The following RHOT1 variants were observed in gnomAD, a reference collection of about 807,000 sequenced individuals.
RHOT1 encodes mitochondrial Rho GTPase 1.
In RHOT1, 27 loss-of-function variants were observed where a neutral mutation model predicts 95.3. The ratio of observed to expected loss-of-function variants is 0.28; its 90% confidence interval spans 0.21 to 0.39. RHOT1 has a LOEUF of 0.39. RHOT1 is among the 10% of genes least tolerant of loss of function. The pLI is 1.00. For missense variants in RHOT1, 578 were observed against 786.7 expected (o/e 0.73, Z 3.17); for synonymous variants, 227 against 263.5 (o/e 0.86, Z 1.34).
chr17:32,188,235 C>G (rs2036204550), intron 8 of RHOT1, among the ~76,000 whole-genome samples: 1 of 152,184 alleles, frequency 6.6e-6, no homozygotes, highest in Non-Finnish European at 1.5e-5. Context: ...GATGGGAAAG[C>G]AGATAAATAT....
At chr17:32,223,063 T>C (rs1364875297) in intron 19 of RHOT1, among the ~76,000 whole-genome samples, 1 of 152,078 alleles carries the variant, frequency 6.6e-6, no homozygotes, top group Non-Finnish European at 1.5e-5. Flanking sequence ...TAAGAAATAA[T>C]TATGTGAGGA....
intron 19 of RHOT1, among the ~76,000 whole-genome samples, chr17:32,217,753 C>CAA (rs1165768131): frequency 9.8e-6 from 1 of 102,400 alleles, no homozygotes. Context: ...GACTCCATCT[C>CAA]AAAAAAAAAA....
chr17:32,155,245 C>T (rs1001991317), intron 1 of RHOT1, among the ~76,000 whole-genome samples: 17 of 151,796 alleles, frequency 1.1e-4, no homozygotes, highest in African/African-American at 3.6e-4. Flanking sequence ...CTGCAAGCTC[C>T]GCCTCCTGGG....
intron 1 of RHOT1, chr17:32,143,153 G>A (rs2030682292): frequency 2.0e-6 from 1 of 510,062 alleles, no homozygotes; most frequent in African/African-American, 1.9e-5. Context: ...CTGCCAGGCA[G>A]GTGCTGGAAT....
chr17:32,183,050 T>G lies in RHOT1; in HGVS notation c.439-121T>G, dbSNP rs538506462. 9.9e-6 allele frequency: 8 copies of G among 808,790 alleles called. No individual in the cohort carries two copies. The East Asian group carries it at 2.1e-4, about 21-fold the overall frequency. The allele number at this position is 808,790 out of a possible 1,614,324, so 50.1% of individuals were successfully genotyped here. A position where few individuals can be genotyped will look rare whatever the true frequency, so the allele number is the denominator to read the frequency against. On this transcript the variant is annotated intron_variant, in intron 7 of 19. Coordinates refer to ENST00000545287, the MANE Select transcript of RHOT1 (RefSeq NM_001033566.3). Reference sequence around the variant, plus strand: ...CTTTCTAGACATTCATGTTGTGATGTCCACAAAGATGCATTTTTCGTTTTT... The same window carrying G: ...CTTTCTAGACATTCATGTTGTGATGGCCACAAAGATGCATTTTTCGTTTTT...
At chr17:32,176,075 C>G in intron 5 of RHOT1, 60 bp downstream of exon 5, 8 of 1,576,140 alleles carry the variant, frequency 5.1e-6, no homozygotes, top group Non-Finnish European at 6.9e-6. Context: ...AAAGTTGATT[C>G]TCAGTTTAGA....
Position 32,192,549 on chromosome 17 carries a change from T to C in RHOT1, c.639+250T>C, listed in dbSNP as rs141547566. ...GTTAAGGATGACTTGGAGTCTGAACTCTGAATCATTTTGCTTTCTTGGTTT... is the reference window on the plus strand; with the variant it reads ...GTTAAGGATGACTTGGAGTCTGAACCCTGAATCATTTTGCTTTCTTGGTTT... On this transcript the variant is annotated intron_variant, in intron 9 of 19. Coordinates refer to ENST00000545287, the MANE Select transcript of RHOT1 (RefSeq NM_001033566.3). Among the ~76,000 whole-genome samples, 32 of 152,172 alleles carry C rather than the reference T, an allele frequency of 2.1e-4. No homozygotes were observed. The East Asian group carries it at 6.2e-3, about 29-fold the overall frequency.
intron 6 of RHOT1, chr17:32,178,814 G>A (rs962238059): frequency 2.6e-5 from 4 of 154,942 alleles, no homozygotes; most frequent in Admixed American, 6.6e-5. Context: ...CGTCTAGGAA[G>A]TGAGGAGCAT....
chr17:32,208,525 G>T, intron 18 of RHOT1: 1 of 544,234 alleles, frequency 1.8e-6, no homozygotes, highest in East Asian at 3.1e-5. Flanking sequence ...GTATATTTTT[G>T]AGCAGGCTGT....
At chr17:32,149,635 ATGTGTGTGTGTGTG>A (rs1300585666) in intron 1 of RHOT1, among the ~76,000 whole-genome samples, 4 of 59,074 alleles carry the variant, frequency 6.8e-5, no homozygotes, top group Admixed American at 2.2e-4. Flanking sequence ...ATATATATAT[ATGTGTGTGTGTGTG>A]TGTGTGTGTG....
At chr17:32,206,100 A>G (rs1029607797) in intron 16 of RHOT1, among the ~76,000 whole-genome samples, 1 of 151,308 alleles carries the variant, frequency 6.6e-6, no homozygotes, top group African/African-American at 2.4e-5. Context: ...TAATCTTTCT[A>G]GCCCGTCTCC....
At chr17:32,163,439 A>G (rs760709498) in intron 1 of RHOT1, among the ~76,000 whole-genome samples, 13 of 152,236 alleles carry the variant, frequency 8.5e-5, no homozygotes, top group Non-Finnish European at 4.4e-5. Context: ...TGTAAAAAGA[A>G]TGTTAACCAA....
intron 11 of RHOT1, among the ~76,000 whole-genome samples, chr17:32,195,557 C>A (rs999978805): frequency 6.6e-6 from 1 of 152,162 alleles, no homozygotes; most frequent in Non-Finnish European, 1.5e-5. Context: ...TGGTGACTTC[C>A]CAGGATCTGG....
intron 1 of RHOT1, among the ~76,000 whole-genome samples, chr17:32,147,952 C>T (rs1041273975): frequency 2.0e-5 from 3 of 152,050 alleles, no homozygotes; most frequent in Non-Finnish European, 2.9e-5. Context: ...ACTTCTGATG[C>T]GTGTAGGCTT....
chr17:32,202,939 T>C (rs1340783362), intron 15 of RHOT1, 39 bp downstream of exon 15: 1 of 1,590,232 alleles, frequency 6.3e-7, no homozygotes, highest in South Asian at 1.1e-5. Context: ...TCCAACAAAT[T>C]TTTATAGTTA....
At position 32,181,785 on chromosome 17, in the gene RHOT1, T is replaced by G. The variant is rs115503151; in HGVS notation, c.330-972T>G. 9.4e-3 allele frequency among the ~76,000 whole-genome samples: 1,439 copies of G among 152,352 alleles called. 23 individuals carry two copies. Among genetic ancestry groups the G allele is most frequent in the African/African-American group, 0.033 (1,359 of 41,580 alleles). On this transcript the variant is annotated intron_variant, in intron 6 of 19. Coordinates refer to ENST00000545287, the MANE Select transcript of RHOT1 (RefSeq NM_001033566.3). The stretch of plus-strand genomic sequence containing the variant: ...AGAATCATTCAATGACTTCCCATTT[T>G]ACACTAACAATAAAACCTACACTCC...
chr17:32,222,028 A>G (rs2038864930), intron 19 of RHOT1, among the ~76,000 whole-genome samples: 1 of 152,242 alleles, frequency 6.6e-6, no homozygotes, highest in African/African-American at 2.4e-5. Flanking sequence ...ATTGATTTTA[A>G]TATGATTATA....
Position 32,175,307 on chromosome 17 carries a change from T to G in RHOT1, c.179-12T>G. 3 of 1,612,204 alleles carry G rather than the reference T, an allele frequency of 1.9e-6. No homozygotes were observed. The highest frequency in any genetic ancestry group is 2.5e-6 in the Non-Finnish European group (3 of 1,178,380). Reference sequence around the variant, plus strand: ...TCTGCAATATGAAACATTGACTTCCTGTCATTTGTAGAAGCAGAACAGAGT... The same window carrying G: ...TCTGCAATATGAAACATTGACTTCCGGTCATTTGTAGAAGCAGAACAGAGT... On this transcript the variant is annotated splice_polypyrimidine_tract_variant and intron_variant, in intron 3 of 19. Transcript: ENST00000545287.
chr17:32,182,536 T>G lies in RHOT1; in HGVS notation c.330-221T>G, dbSNP rs2035724647. On this transcript the variant is annotated intron_variant, in intron 6 of 19. Coordinates refer to ENST00000545287, the MANE Select transcript of RHOT1 (RefSeq NM_001033566.3). The stretch of plus-strand genomic sequence containing the variant: ...GGGTAGGACCTTCTGTCTTGTGTCC[T>G]TAATACTTAAAGCAGTATGTGGCTT... 2.0e-5 allele frequency among the ~76,000 whole-genome samples: 3 copies of G among 152,268 alleles called. No homozygotes were observed. In the South Asian group the frequency reaches 6.2e-4, roughly 32 times the overall value.
Sources: allele counts gnomAD v4.1 joint callset (sites outside exome capture counted in the v4.1 genomes callset), GRCh38; gene constraint gnomAD v4.1.1; transcripts MANE v1.5; gene names NCBI Gene and HGNC (gene_info 2026-07-23, HGNC 2026-07-21).